The following LTBP1 variants were observed in gnomAD, a reference collection of about 807,000 sequenced individuals.
The protein encoded by LTBP1 is latent transforming growth factor beta binding protein 1.
LTBP1 carries 129 observed loss-of-function variants against 207.6 expected under a neutral mutation model. The ratio of observed to expected loss-of-function variants is 0.62; its 90% CI spans 0.54 to 0.72. The LOEUF (loss-of-function observed/expected upper bound fraction) is 0.72. Among genes scored for constraint, LTBP1 ranks in the 30% least tolerant of loss-of-function variants. The pLI is 0.00. For missense variants in LTBP1, 2,281 were observed against 2,217.2 expected (o/e 1.03, Z -0.58); for synonymous variants, 963 against 833.7 (o/e 1.16, Z -2.67).
intron 19 of LTBP1, 48 bp downstream of exon 19, chr2:33,280,206 C>G (rs753062747): frequency 6.4e-7 from 1 of 1,563,442 alleles, no homozygotes. Flanking sequence ...TCTGCATGGC[C>G]CATTTTCTGA....
At chr2:33,283,471 C>T (rs1268380659) in intron 19 of LTBP1, among the ~76,000 whole-genome samples, 2 of 110,486 alleles carry the variant, frequency 1.8e-5, no homozygotes, top group Non-Finnish European at 3.4e-5. Flanking sequence ...GAGTCTCGCT[C>T]TTTCGCCCAG....
intron 26 of LTBP1, among the ~76,000 whole-genome samples, chr2:33,359,755 A>C (rs934517339): frequency 1.3e-5 from 2 of 152,246 alleles, no homozygotes; most frequent in Non-Finnish European, 2.9e-5. Context: ...ACTACTTTCC[A>C]AGTCTAGTCA....
At chr2:33,190,658 G>A (rs192055676) in intron 7 of LTBP1, among the ~76,000 whole-genome samples, 1 of 152,278 alleles carries the variant, frequency 6.6e-6, no homozygotes, top group African/African-American at 2.4e-5. Flanking sequence ...GATAATGTGA[G>A]CCCTGCTTTG....
At chr2:33,267,899 T>TA (rs1245648874) in intron 15 of LTBP1, among the ~76,000 whole-genome samples, 1 of 152,234 alleles carries the variant, frequency 6.6e-6, no homozygotes, top group Non-Finnish European at 1.5e-5. Flanking sequence ...AGGAAGTTGT[T>TA]AAAACACAAC....
At chr2:33,293,834 A>T (rs956518379) in intron 20 of LTBP1, among the ~76,000 whole-genome samples, 1 of 152,112 alleles carries the variant, frequency 6.6e-6, no homozygotes, top group Non-Finnish European at 1.5e-5. Flanking sequence ...TACCTACCAT[A>T]AGTGTTTTAC....
intron 5 of LTBP1, among the ~76,000 whole-genome samples, chr2:33,185,377 A>G (rs1221244294): frequency 2.0e-5 from 3 of 152,182 alleles, no homozygotes; most frequent in Non-Finnish European, 4.4e-5. Context: ...GATGAGTTCA[A>G]TTTTGAATTT....
intron 24 of LTBP1, among the ~76,000 whole-genome samples, chr2:33,329,872 G>A (rs1440872666): frequency 6.6e-6 from 1 of 151,880 alleles, no homozygotes; most frequent in Non-Finnish European, 1.5e-5. Flanking sequence ...TTGGCCCTTT[G>A]CATTTCTATA....
At chr2:33,083,850 C>A (rs537482910) in intron 3 of LTBP1, among the ~76,000 whole-genome samples, 2 of 152,324 alleles carry the variant, frequency 1.3e-5, no homozygotes, top group Admixed American at 1.3e-4. Flanking sequence ...AGGGAACATT[C>A]TTTCATTTCA....
At chr2:33,070,093 C>T (rs545411061) in intron 3 of LTBP1, among the ~76,000 whole-genome samples, 33 of 152,298 alleles carry the variant, frequency 2.2e-4, no homozygotes, top group African/African-American at 6.3e-4. Flanking sequence ...TTCTCTCTGC[C>T]GGAAACTCTC....
intron 24 of LTBP1, among the ~76,000 whole-genome samples, chr2:33,340,731 G>T (rs116028223): frequency 6.6e-6 from 1 of 152,164 alleles, no homozygotes; most frequent in African/African-American, 2.4e-5. Flanking sequence ...TACTATATTG[G>T]ATGTCTCCCT....
At chr2:33,008,371 A>G (rs1307071924) in intron 2 of LTBP1, among the ~76,000 whole-genome samples, 1 of 152,242 alleles carries the variant, frequency 6.6e-6, no homozygotes, top group African/African-American at 2.4e-5. Flanking sequence ...TAAAAATTTA[A>G]GTATGTTTAA....
chr2:33,218,557 C>G (rs1293786724), intron 8 of LTBP1, among the ~76,000 whole-genome samples: 1 of 152,108 alleles, frequency 6.6e-6, no homozygotes, highest in African/African-American at 2.4e-5. Context: ...CCAACATGCC[C>G]AGCTAATTTT....
chr2:33,275,758 T>A (rs1308144243), intron 17 of LTBP1, 43 bp from the exon 18 acceptor site: 2 of 1,612,090 alleles, frequency 1.2e-6, no homozygotes, highest in Admixed American at 3.3e-5. Flanking sequence ...TTTGAAACAG[T>A]ATTTGGAACA....
intron 31 of LTBP1, among the ~76,000 whole-genome samples, chr2:33,367,871 A>G (rs1019330424): frequency 1.6e-4 from 24 of 152,168 alleles, no homozygotes; most frequent in Non-Finnish European, 2.9e-4. Flanking sequence ...AGAGATGGCT[A>G]AATAAATCAT....
intron 7 of LTBP1, among the ~76,000 whole-genome samples, chr2:33,193,370 G>A (rs181952752): frequency 1.5e-3 from 228 of 152,298 alleles, no homozygotes; most frequent in African/African-American, 5.1e-3. Flanking sequence ...TAGAACTCCT[G>A]ACCTCAGGTG....
chr2:33,267,624 G>A (rs947318447), intron 15 of LTBP1, among the ~76,000 whole-genome samples: 1 of 152,126 alleles, frequency 6.6e-6, no homozygotes, highest in African/African-American at 2.4e-5. Flanking sequence ...AGAAAAAAAT[G>A]CAGTAAGACA....
In LTBP1 at chr2:33,093,248, A is replaced by G. The variant is rs556907548; in HGVS notation, c.864-17334A>G. The stretch of plus-strand genomic sequence containing the variant: ...AGGGGAAATAAGTGAGTAAAATAAA[A>G]TATTTGATTTACAGCGGTTAAGATG... On this transcript the variant is annotated intron_variant, in intron 3 of 33. Transcript: ENST00000404816. 1.1e-4 allele frequency among the ~76,000 whole-genome samples: 17 copies of G among 152,348 alleles called. No individual in the cohort carries two copies. The East Asian group carries it at 2.7e-3, about 24-fold the overall frequency.
intron 5 of LTBP1, among the ~76,000 whole-genome samples, chr2:33,161,546 C>T (rs941498389): frequency 7.9e-5 from 12 of 152,196 alleles, no homozygotes; most frequent in Admixed American, 2.0e-4. Flanking sequence ...GCATTACAGG[C>T]GTGAGCCACC....
At chr2:33,005,594 CTTTTTTT>C (rs57363701) in intron 2 of LTBP1, among the ~76,000 whole-genome samples, 1 of 132,940 alleles carries the variant, frequency 7.5e-6, no homozygotes, top group African/African-American at 2.8e-5. Flanking sequence ...TAAGCTCTAC[CTTTTTTT>C]TTTTTTTTTT....
Sources: gnomAD v4.1 joint callset for allele counts (sites outside exome capture counted in the v4.1 genomes callset) on GRCh38, gnomAD v4.1.1 for gene constraint, MANE v1.5 for transcripts, NCBI Gene and HGNC (gene_info 2026-07-23, HGNC 2026-07-21) for gene names.